Variants in ANKRD44 observed in about 807,000 individuals in gnomAD.
The protein encoded by ANKRD44 is serine/threonine-protein phosphatase 6 regulatory ankyrin repeat subunit B.
ANKRD44 carries 35 observed loss-of-function variants against 116.0 expected under a neutral mutation model. The observed-to-expected ratio is 0.30, with a 90% CI of 0.23 to 0.40. ANKRD44 has a LOEUF of 0.40. Ranked by LOEUF, ANKRD44 falls within the 10% of genes least tolerant of loss-of-function variation. The pLI is 1.00. For missense variants in ANKRD44, 1,014 were observed against 1,242.6 expected (o/e 0.82, Z 2.77); for synonymous variants, 435 against 461.8 (o/e 0.94, Z 0.74).
intron 1 of ANKRD44, among the ~76,000 whole-genome samples, chr2:197,295,784 G>A (rs1240944033): frequency 2.0e-5 from 3 of 152,168 alleles, no homozygotes; most frequent in East Asian, 3.9e-4. Context: ...GGCTGGGCAC[G>A]GTGGTTTGCT....
At chr2:197,107,118 A>G (rs1458639142) in intron 9 of ANKRD44, among the ~76,000 whole-genome samples, 1 of 152,174 alleles carries the variant, frequency 6.6e-6, no homozygotes, top group African/African-American at 2.4e-5. Flanking sequence ...CAGAAAGGAT[A>G]ATTAATTAGT....
intron 1 of ANKRD44, among the ~76,000 whole-genome samples, chr2:197,235,085 CT>C (rs1417669745): frequency 6.6e-6 from 1 of 152,194 alleles, no homozygotes; most frequent in Non-Finnish European, 1.5e-5. Flanking sequence ...AGCTTCAACA[CT>C]TCTCACTCCC....
intron 1 of ANKRD44, among the ~76,000 whole-genome samples, chr2:197,269,209 A>C (rs1011804938): frequency 6.6e-6 from 1 of 152,234 alleles, no homozygotes; most frequent in Non-Finnish European, 1.5e-5. Context: ...AGAGCAGAGT[A>C]ACATTTTATC....
chr2:197,068,145 G>C (rs1357600546), intron 16 of ANKRD44, among the ~76,000 whole-genome samples: 18 of 119,582 alleles, frequency 1.5e-4, no homozygotes, highest in Non-Finnish European at 3.1e-4. Flanking sequence ...CTCACTCATA[G>C]GTGGGAATTG....
intron 21 of ANKRD44, among the ~76,000 whole-genome samples, chr2:197,003,340 T>C (rs531017649): frequency 1.3e-5 from 2 of 150,988 alleles, no homozygotes; most frequent in Non-Finnish European, 3.0e-5. Context: ...TCTAGGAAAG[T>C]TGTATGATTT....
intron 1 of ANKRD44, among the ~76,000 whole-genome samples, chr2:197,297,608 C>G (rs2083760755): frequency 6.6e-6 from 1 of 152,194 alleles, no homozygotes; most frequent in Admixed American, 6.5e-5. Context: ...AAGATGGACA[C>G]AGCTTGTTAG....
At chr2:197,098,049 C>A (rs1395920502) in intron 10 of ANKRD44, among the ~76,000 whole-genome samples, 3 of 152,162 alleles carry the variant, frequency 2.0e-5, no homozygotes, top group South Asian at 4.1e-4. Context: ...TCTCTTTCTA[C>A]CCCATAATTA....
At position 197,078,791 on chromosome 2, in the gene ANKRD44, T is replaced by A; in HGVS notation, c.1562A>T (p.Asn521Ile). The A allele has an allele frequency of 6.2e-7, 1 of 1,613,164 alleles. No homozygotes were observed. Among genetic ancestry groups the A allele is most frequent in the Non-Finnish European group, 8.5e-7 (1 of 1,179,314 alleles). The change falls in exon 16 of 28, where the codon AAT (asparagine) becomes ATT (isoleucine). Residue 521 changes from asparagine to isoleucine, a missense_variant. Transcript: ENST00000282272. ...GTCCCGGATAGATGGATTTGCATCA[T>A]TTTGAAGCAGAAACTCTAGACATCT... is the stretch of plus-strand genomic sequence containing the variant. ...ATLCLEFLLQNDANPSIRDKE... is the reference protein window; with the variant it reads ...ATLCLEFLLQIDANPSIRDKE...
At position 197,305,967 on chromosome 2, in the gene ANKRD44, T is replaced by TTATATATATATATATATATATATATA. The variant is rs374313668; in HGVS notation, c.27+4610_27+4611insTATATATATATATATATATATATATA. Among the ~76,000 whole-genome samples, 115 of 124,662 alleles carry TTATATATATATATATATATATATATA rather than the reference T, an allele frequency of 9.2e-4. 2 individuals carry two copies. Among genetic ancestry groups the TTATATATATATATATATATATATATA allele is most frequent in the African/African-American group, 2.9e-3 (79 of 27,482 alleles). 81.8% of individuals were successfully genotyped at this position (124,662 alleles called of 152,430 possible). On this transcript the variant is annotated intron_variant, in intron 1 of 27. Transcript: ENST00000282272. ...TTTCCTATAATGACCGCAGTTCGTT[T>TTATATATATATATATATATATATATA]TATATATATATATATATATATATAT...
intron 27 of ANKRD44, 105 bp downstream of exon 27, chr2:196,993,478 G>A: frequency 2.2e-6 from 2 of 889,344 alleles, no homozygotes; most frequent in South Asian, 3.0e-5. Context: ...AAGGGGGACA[G>A]AATTCTTAAG....
intron 21 of ANKRD44, among the ~76,000 whole-genome samples, chr2:196,974,982 T>C (rs2075746958): frequency 6.6e-6 from 1 of 150,526 alleles, no homozygotes; most frequent in South Asian, 2.1e-4. Flanking sequence ...ATAACAAAAA[T>C]AAATGAAATA....
At chr2:197,271,712 A>G (rs1479603566) in intron 1 of ANKRD44, among the ~76,000 whole-genome samples, 1 of 152,016 alleles carries the variant, frequency 6.6e-6, no homozygotes, top group Non-Finnish European at 1.5e-5. Flanking sequence ...CCTGGGCTCA[A>G]GTGATCCTTC....
chr2:197,034,896 C>CA (rs1287140553), intron 16 of ANKRD44, among the ~76,000 whole-genome samples: 1 of 152,170 alleles, frequency 6.6e-6, no homozygotes, highest in Non-Finnish European at 1.5e-5. Flanking sequence ...AAGTCATGAA[C>CA]TCTCTGGTTC....
chr2:197,085,229 A>G (rs2077891639), intron 13 of ANKRD44, among the ~76,000 whole-genome samples: 1 of 152,148 alleles, frequency 6.6e-6, no homozygotes, highest in Non-Finnish European at 1.5e-5. Context: ...AATACTTTAC[A>G]TATTAGATTG....
intron 4 of ANKRD44, chr2:197,135,231 T>C (rs1229696231): frequency 6.6e-6 from 1 of 152,228 alleles, no homozygotes; most frequent in Non-Finnish European, 1.5e-5. Context: ...CTTCTGTATA[T>C]TAATTCTCAG....
intron 1 of ANKRD44, among the ~76,000 whole-genome samples, chr2:197,242,393 AC>A (rs1216094239): frequency 6.6e-6 from 1 of 152,218 alleles, no homozygotes; most frequent in Non-Finnish European, 1.5e-5. Context: ...AAGGAAAACC[AC>A]GTTCAATATG....
At position 196,986,676 on chromosome 2, in the gene ANKRD44, G is replaced by A. The variant is rs2075840835; in HGVS notation, c.*2915C>T. 1.0e-6 allele frequency: 1 copy of A among 964,242 alleles called. No individual in the cohort carries two copies. Among genetic ancestry groups the A allele is most frequent in the Admixed American group, 6.2e-5 (1 of 16,230 alleles). The allele number at this position is 964,242 out of a possible 1,614,324, so 59.7% of individuals were successfully genotyped here. On this transcript the variant is annotated 3_prime_UTR_variant, in exon 28 of 28. Transcript: ENST00000282272. ...TAAAACACAAATTCCAACAATATTT[G>A]TACCGTTTTTATTTGTAAAAATAAC... is the stretch of plus-strand genomic sequence containing the variant.
chr2:197,215,786 A>G (rs540159350), intron 1 of ANKRD44, among the ~76,000 whole-genome samples: 1 of 152,324 alleles, frequency 6.6e-6, no homozygotes, highest in Non-Finnish European at 1.5e-5. Flanking sequence ...AGGTTTAAAA[A>G]TCAACCTGCA....
At chr2:197,115,940 A>C (rs2078697124) in intron 8 of ANKRD44, among the ~76,000 whole-genome samples, 1 of 152,196 alleles carries the variant, frequency 6.6e-6, no homozygotes. Context: ...TTTGATTCAA[A>C]ATCCTATTTA....
Sources: allele counts gnomAD v4.1 joint callset (sites outside exome capture counted in the v4.1 genomes callset), GRCh38; gene constraint gnomAD v4.1.1; transcripts MANE v1.5; gene names NCBI Gene and HGNC (gene_info 2026-07-23, HGNC 2026-07-21).